Variants in LRCH1 observed in about 807,000 individuals in gnomAD.
LRCH1 encodes the protein leucine-rich repeat and calponin homology domain-containing protein 1.
In LRCH1, 23 loss-of-function variants were observed where a neutral mutation model predicts 94.9. That is an observed-to-expected ratio of 0.24 (90% CI 0.17 to 0.34). The LOEUF (loss-of-function observed/expected upper bound fraction) is 0.34. LRCH1 is among the 10% of genes least tolerant of loss of function. The probability of loss-of-function intolerance (pLI) is 1.00; values close to 1 mark genes in which losing one functional copy is unlikely to be tolerated. For synonymous variants in LRCH1, 364 were observed against 354.9 expected (o/e 1.03, Z -0.29); for missense variants, 790 against 945.9 (o/e 0.84, Z 2.16).
intron 1 of LRCH1, among the ~76,000 whole-genome samples, chr13:46,647,112 C>CAAAAA (rs61648661): frequency 1.2e-5 from 1 of 84,472 alleles, no homozygotes; most frequent in Non-Finnish European, 2.5e-5. Flanking sequence ...GACTCCAACT[C>CAAAAA]AAAAAAAAAA....
At chr13:46,644,962 A>G (rs2051202737) in intron 1 of LRCH1, among the ~76,000 whole-genome samples, 2 of 152,222 alleles carry the variant, frequency 1.3e-5, no homozygotes, top group Admixed American at 1.3e-4. Context: ...TAGCAGGACT[A>G]ATCTCATTCC....
chr13:46,618,923 G>A lies in LRCH1; in HGVS notation c.308-31278G>A, dbSNP rs9567709. ...GTGGGTTTGTTTTGGGAAAGCAGTG[G>A]AGGGGAATTCCTCTTAGGTTGAAAT... On this transcript the variant is annotated intron_variant, in intron 1 of 19. Coordinates refer to ENST00000389797, the MANE Select transcript of LRCH1 (RefSeq NM_001164211.2). 1.1e-4 allele frequency among the ~76,000 whole-genome samples: 16 copies of A among 152,338 alleles called. No homozygotes were observed. The East Asian group carries it at 2.9e-3, about 28-fold the overall frequency.
At chr13:46,609,947 G>A (rs903721372) in intron 1 of LRCH1, among the ~76,000 whole-genome samples, 1 of 152,078 alleles carries the variant, frequency 6.6e-6, no homozygotes, top group African/African-American at 2.4e-5. Flanking sequence ...GAAGGCATGT[G>A]AATAAAGAAA....
At chr13:46,703,549 C>T (rs913605782) in intron 11 of LRCH1, among the ~76,000 whole-genome samples, 5 of 152,122 alleles carry the variant, frequency 3.3e-5, no homozygotes, top group Admixed American at 1.3e-4. Flanking sequence ...GACAAGAAGA[C>T]GTGAACAATT....
intron 1 of LRCH1, among the ~76,000 whole-genome samples, chr13:46,632,558 A>T (rs1027761735): frequency 6.6e-6 from 1 of 152,264 alleles, no homozygotes; most frequent in Middle Eastern, 3.2e-3. Flanking sequence ...CAAATTGTTT[A>T]CAAGACAATT....
chr13:46,743,538 C>T lies in LRCH1; in HGVS notation c.*1690C>T, dbSNP rs1282401824. 8.1e-6 allele frequency: 8 copies of T among 985,704 alleles called. No homozygotes were observed. The highest frequency in any genetic ancestry group is 4.7e-5 in the South Asian group (1 of 21,290). 61.1% of individuals were successfully genotyped at this position (985,704 alleles called of 1,614,324 possible). ...TGTAACACAATAAAATCCCTTTGTA[C>T]GATGTCTAATGAGCACCCTGAGCCA... On this transcript the variant is annotated 3_prime_UTR_variant, in exon 20 of 20. Coordinates refer to ENST00000389797, the MANE Select transcript of LRCH1 (RefSeq NM_001164211.2).
exon 19 of LRCH1, chr13:46,752,532 A>T (rs1263976897): frequency 6.6e-6 from 1 of 152,232 alleles, no homozygotes; most frequent in Non-Finnish European, 1.5e-5. Context: ...ATGTATTTTA[A>T]TATTTTTCTG....
intron 11 of LRCH1, among the ~76,000 whole-genome samples, chr13:46,701,495 TA>T (rs1871469737): frequency 6.6e-6 from 1 of 152,150 alleles, no homozygotes; most frequent in African/African-American, 2.4e-5. Context: ...AAAACAAAAA[TA>T]TGGTAAAAGT....
chr13:46,692,966 CTTT>C (rs556715797), intron 8 of LRCH1, among the ~76,000 whole-genome samples: 6 of 128,164 alleles, frequency 4.7e-5, no homozygotes, highest in East Asian at 2.3e-4. Flanking sequence ...AGATAAAATT[CTTT>C]TTTTTTTTTT....
At chr13:46,569,551 C>A (rs1186917309) in intron 1 of LRCH1, among the ~76,000 whole-genome samples, 1 of 152,156 alleles carries the variant, frequency 6.6e-6, no homozygotes, top group African/African-American at 2.4e-5. Flanking sequence ...GTATCACTTC[C>A]AAATTTCCTA....
chr13:46,553,239 C>CCCCCAAAAAA lies in LRCH1; in HGVS notation c.-155_-154insCAAAAAACCC. 3.5e-6 allele frequency: 2 copies of CCCCCAAAAAA among 568,230 alleles called. No individual in the cohort carries two copies. The highest frequency in any genetic ancestry group is 6.2e-6 in the Non-Finnish European group (2 of 323,924). The allele number at this position is 568,230 out of a possible 1,614,324, so 35.2% of individuals were successfully genotyped here. ...TGCCACGGCCGCCTCCCCGCCCGCC[C>CCCCCAAAAAA]CCCATTCTACGCGCCTGCCCACACC... On this transcript the variant is annotated 5_prime_UTR_variant, in exon 1 of 20. Transcript: ENST00000389797.
intron 1 of LRCH1, among the ~76,000 whole-genome samples, chr13:46,631,824 A>T (rs1312968684): frequency 6.6e-6 from 1 of 152,178 alleles, no homozygotes; most frequent in Non-Finnish European, 1.5e-5. Context: ...GCTGTGTTAG[A>T]GGTCAAATTA....
At chr13:46,620,248 C>G (rs1400189554) in intron 1 of LRCH1, among the ~76,000 whole-genome samples, 1 of 151,988 alleles carries the variant, frequency 6.6e-6, no homozygotes, top group Non-Finnish European at 1.5e-5. Context: ...TTCTGTAGCC[C>G]CAGCTACTTG....
intron 13 of LRCH1, 109 bp downstream of exon 13, chr13:46,705,413 A>G: frequency 1.0e-6 from 1 of 972,394 alleles, no homozygotes; most frequent in Non-Finnish European, 1.7e-6. Flanking sequence ...TTTATTAATG[A>G]GGCCAATATT....
At chr13:46,573,843 C>T (rs1594253728) in intron 1 of LRCH1, among the ~76,000 whole-genome samples, 1 of 62,848 alleles carries the variant, frequency 1.6e-5, no homozygotes, top group Non-Finnish European at 3.2e-5. Flanking sequence ...TGACTATAGT[C>T]AAATATATAT....
At chr13:46,745,390 G>T (rs1163056503), downstream of LRCH1, among the ~76,000 whole-genome samples, 4 of 152,066 alleles carry the variant, frequency 2.6e-5, no homozygotes, top group Non-Finnish European at 5.9e-5. Context: ...CTGGAAAAGA[G>T]ACCTGACCCT....
At chr13:46,730,473 A>G (rs34706092) in intron 18 of LRCH1, among the ~76,000 whole-genome samples, 27,047 of 152,158 alleles carry the variant, frequency 0.18, 2,794 homozygotes, top group East Asian at 0.44. Flanking sequence ...AGAGCCTCAC[A>G]GTGGCATGAT....
At chr13:46,572,983 T>C (rs1172474025) in intron 1 of LRCH1, among the ~76,000 whole-genome samples, 1 of 152,184 alleles carries the variant, frequency 6.6e-6, no homozygotes, top group African/African-American at 2.4e-5. Flanking sequence ...CTCTATGCTC[T>C]AGTTTCCTCA....
chr13:46,742,311 G>A lies in LRCH1; in HGVS notation c.*463G>A, dbSNP rs1349728677. On this transcript the variant is annotated 3_prime_UTR_variant, in exon 20 of 20. Coordinates refer to ENST00000389797, the MANE Select transcript of LRCH1 (RefSeq NM_001164211.2). ...AGCTGTATAGGGGCCACCTTGCAGG[G>A]AGGACAGAAAACTAACATTTTGGCC... 1 of 1,001,716 alleles carries A rather than the reference G, an allele frequency of 1.0e-6. No homozygotes were observed. The highest frequency in any genetic ancestry group is 1.7e-5 in the African/African-American group (1 of 57,684). The allele number at this position is 1,001,716 out of a possible 1,614,324, so 62.1% of individuals were successfully genotyped here.
Sources: gnomAD v4.1 joint callset for allele counts (sites outside exome capture counted in the v4.1 genomes callset) on GRCh38, gnomAD v4.1.1 for gene constraint, MANE v1.5 for transcripts, NCBI Gene and HGNC (gene_info 2026-07-23, HGNC 2026-07-21) for gene names.